PCDHA6: variants seen among roughly 807,000 people sequenced by gnomAD.
The protein encoded by PCDHA6 is protocadherin alpha 6.
In PCDHA6, 55 loss-of-function variants were observed where a neutral mutation model predicts 60.3. The observed-to-expected ratio is 0.91, with a 90% confidence interval of 0.73 to 1.14. PCDHA6 has a LOEUF of 1.14. PCDHA6 is among the 50% of genes most tolerant of loss of function. PCDHA6 has a pLI of 0.00. For synonymous variants in PCDHA6, 652 were observed against 557.9 expected (o/e 1.17, Z -2.38); for missense variants, 1,327 against 1,256.5 (o/e 1.06, Z -0.85).
chr5:140,969,203 G>A (rs781962982), intron 1 of PCDHA6: 2 of 1,614,178 alleles, frequency 1.2e-6, no homozygotes, highest in Non-Finnish European at 8.5e-7. Flanking sequence ...CAATACAGGG[G>A]CCCAGACAGG....
chr5:140,922,085 AT>A (rs1453055437), intron 1 of PCDHA6, among the ~76,000 whole-genome samples: 1 of 152,194 alleles, frequency 6.6e-6, no homozygotes, highest in Non-Finnish European at 1.5e-5. Context: ...AAAAAGTGGT[AT>A]TTCTACCAAC....
At chr5:140,996,596 C>T (rs1343501273) in intron 3 of PCDHA6, among the ~76,000 whole-genome samples, 1 of 152,156 alleles carries the variant, frequency 6.6e-6, no homozygotes, top group Non-Finnish European at 1.5e-5. Flanking sequence ...CCGCCTCCCC[C>T]CATTTTCATT....
At position 140,829,309 on chromosome 5, in the gene PCDHA6, G is replaced by A. The variant is rs2150165707; in HGVS notation, c.1218G>A (p.Ser406=). 17 of 1,614,252 alleles carry A rather than the reference G, an allele frequency of 1.1e-5. No individual in the cohort carries two copies. Among genetic ancestry groups the A allele is most frequent in the Non-Finnish European group, 1.4e-5 (16 of 1,180,058 alleles). The change falls in exon 1 of 4, where the codon TCG becomes TCA. Residue 406 remains serine, a synonymous_variant. Transcript: ENST00000529310. ...TGTCCACCTTCAAGAATTACTACTC[G>A]TTGGTGCTGGACAGTGCCCTGGACC... is the stretch of plus-strand genomic sequence containing the variant. ...KLVSTFKNYY[S]LVLDSALDRE... is the part of the protein sequence containing the mutation.
rs2150152921 is a variant in PCDHA6 at position 140,828,240 on chromosome 5, A to C, written c.149A>C (p.Gln50Pro). 6.2e-7 allele frequency: 1 copy of C among 1,613,948 alleles called. No homozygotes were observed. The highest frequency in any genetic ancestry group is 1.1e-5 in the South Asian group (1 of 91,076). ...KHGTFVGRIA[Q>P]DLGLELAELV... Reference sequence around the variant, plus strand: ...GGCACCTTCGTGGGCCGGATCGCGCAGGACCTGGGGCTGGAGCTGGCGGAG... The same window carrying C: ...GGCACCTTCGTGGGCCGGATCGCGCCGGACCTGGGGCTGGAGCTGGCGGAG... Residue 50 changes from glutamine (Q) to proline (P), a missense_variant, in exon 1 of 4, where the codon CAG (glutamine) becomes CCG (proline). Coordinates refer to ENST00000529310, the MANE Select transcript of PCDHA6 (RefSeq NM_018909.4).
At chr5:140,837,357 C>A (rs2150274946) in intron 1 of PCDHA6, among the ~76,000 whole-genome samples, 2 of 151,850 alleles carry the variant, frequency 1.3e-5, no homozygotes, top group Non-Finnish European at 2.9e-5. Context: ...GTTTAAATGG[C>A]AGTTTAATAG....
chr5:140,997,817 A>G (rs570760153), intron 3 of PCDHA6, among the ~76,000 whole-genome samples: 2 of 152,306 alleles, frequency 1.3e-5, no homozygotes, highest in South Asian at 4.1e-4. Flanking sequence ...GTTGGTATCT[A>G]TGTTTTCTAA....
intron 1 of PCDHA6, among the ~76,000 whole-genome samples, chr5:140,958,528 G>T (rs961967514): frequency 4.6e-5 from 7 of 152,112 alleles, no homozygotes; most frequent in Non-Finnish European, 8.8e-5. Flanking sequence ...TATACTATGT[G>T]TACATTGATT....
chr5:140,929,205 G>A (rs201292001), intron 1 of PCDHA6: 14 of 1,614,120 alleles, frequency 8.7e-6, no homozygotes, highest in Non-Finnish European at 1.2e-5. Flanking sequence ...GTTTGCTGTT[G>A]CGTGGGGAGT....
chr5:140,987,805 C>T (rs2097269328), intron 3 of PCDHA6, among the ~76,000 whole-genome samples: 3 of 152,140 alleles, frequency 2.0e-5, no homozygotes. Flanking sequence ...TTTAAAGTGC[C>T]TGTCTCTTTG....
chr5:140,839,429 G>A (rs1462017919), intron 1 of PCDHA6, among the ~76,000 whole-genome samples: 4 of 151,864 alleles, frequency 2.6e-5, no homozygotes, highest in Non-Finnish European at 4.4e-5. Context: ...TCACTCTGTA[G>A]CCCAGACTGC....
chr5:140,984,878 C>G (rs2097124872), intron 3 of PCDHA6, among the ~76,000 whole-genome samples: 1 of 151,854 alleles, frequency 6.6e-6, no homozygotes, highest in African/African-American at 2.4e-5. Flanking sequence ...ATTGAGTTAC[C>G]ATGAGAACTA....
At chr5:140,922,369 G>A (rs534587109) in intron 1 of PCDHA6, among the ~76,000 whole-genome samples, 1 of 152,320 alleles carries the variant, frequency 6.6e-6, no homozygotes, top group East Asian at 1.9e-4. Context: ...TTCTCACTGA[G>A]ATGCAAAACC....
At chr5:140,882,016 A>C (rs1403488174) in intron 1 of PCDHA6, 1 of 543,846 alleles carries the variant, frequency 1.8e-6, no homozygotes, top group Non-Finnish European at 3.0e-6. Flanking sequence ...AAAAAATACT[A>C]CATCAATGGA....
At position 140,829,937 on chromosome 5, in the gene PCDHA6, A is replaced by G. The variant is rs1770693047; in HGVS notation, c.1846A>G (p.Ser616Gly). 2 of 1,614,002 alleles carry G rather than the reference A, an allele frequency of 1.2e-6. No individual in the cohort carries two copies. The highest frequency in any genetic ancestry group is 2.2e-5 in the South Asian group (2 of 91,076). The change falls in exon 1 of 4, where the codon AGC becomes GGC. Residue 616 changes from serine (S) to glycine (G), a missense_variant. Physicochemically the swap from Ser to Gly is moderately conservative, Grantham distance 56 (BLOSUM62 0). Coordinates refer to ENST00000529310, the MANE Select transcript of PCDHA6 (RefSeq NM_018909.4). ...TTCGTATGAGCTGCAGCCCCCGGCA[A>G]GCAGCGCTCGCTTCCCGTTTCGCGT... ...WLSYELQPPA[S>G]SARFPFRVGL...
chr5:140,925,108 G>GGAAGGAAGGAAGGAAGGAA (rs1554202548), intron 1 of PCDHA6, among the ~76,000 whole-genome samples: 8 of 124,780 alleles, frequency 6.4e-5, no homozygotes, highest in South Asian at 4.6e-4. Context: ...GAAGGAAGGA[G>GGAAGGAAGGAAGGAAGGAA]GGAAGGAAGG....
At chr5:140,872,016 C>T (rs2053445167) in intron 1 of PCDHA6, among the ~76,000 whole-genome samples, 1 of 152,182 alleles carries the variant, frequency 6.6e-6, no homozygotes, top group Non-Finnish European at 1.5e-5. Flanking sequence ...TGACCTGTAG[C>T]CTGGAACTGC....
intron 3 of PCDHA6, among the ~76,000 whole-genome samples, chr5:140,996,316 A>C (rs2153939037): frequency 6.6e-6 from 1 of 152,250 alleles, no homozygotes; most frequent in African/African-American, 2.4e-5. Context: ...GTAAGGGGGG[A>C]GGGTAGAGAA....
Position 140,828,399 on chromosome 5 carries a change from G to A in PCDHA6, c.308G>A (p.Ser103Asn). The change falls in exon 1 of 4, where the codon AGC becomes AAC. Residue 103 changes from serine to asparagine, a missense_variant. Transcript: ENST00000529310. ...CTGTGCGGGCGGAGCGCGGAGTGCA[G>A]CATCCACCTGGAGGTGATCGTGGAC... ...EELCGRSAEC[S>N]IHLEVIVDRP... 6.2e-7 allele frequency: 1 copy of A among 1,614,300 alleles called. No individual in the cohort carries two copies. The highest frequency in any genetic ancestry group is 8.5e-7 in the Non-Finnish European group (1 of 1,180,056).
At chr5:140,875,413 C>T (rs2055464602) in intron 1 of PCDHA6, 2 of 1,507,300 alleles carry the variant, frequency 1.3e-6, no homozygotes, top group South Asian at 2.7e-5. Flanking sequence ...TCATAAAATA[C>T]CTCAGGCAAG....
Sources: gnomAD v4.1 joint callset for allele counts (sites outside exome capture counted in the v4.1 genomes callset) on GRCh38, gnomAD v4.1.1 for gene constraint, MANE v1.5 for transcripts, NCBI Gene and HGNC (gene_info 2026-07-23, HGNC 2026-07-21) for gene names.